Variants in ZNF536 observed in about 807,000 individuals in gnomAD.
The protein encoded by ZNF536 is zinc finger protein 536.
A neutral mutation model predicts 84.5 loss-of-function variants in ZNF536; 13 were observed. The observed-to-expected ratio is 0.15, with a 90% confidence interval of 0.10 to 0.24. ZNF536 has a LOEUF of 0.24. Ranked by LOEUF, ZNF536 falls within the 10% of genes least tolerant of loss-of-function variation. The pLI, the probability that ZNF536 is intolerant of heterozygous loss-of-function variation, is 1.00. For missense variants in ZNF536, 1,536 were observed against 1,747.5 expected, an observed-to-expected ratio of 0.88 and a Z score of 2.16; for synonymous variants, 811 against 742.5, an observed-to-expected ratio of 1.09 and a Z score of -1.50.
upstream of ZNF536, among the ~76,000 whole-genome samples, chr19:30,226,621 GC>G (rs2022629024): frequency 6.6e-6 from 1 of 152,122 alleles, no homozygotes; most frequent in Non-Finnish European, 1.5e-5. The surrounding 1 kb of genome is among the most constrained non-coding windows in gnomAD (Gnocchi z 4.6). Context: ...GGCGCCCGCA[GC>G]ACCTGCCCCA....
chr19:30,586,612 A>G (rs1214240904), intron 1 of ZNF536, among the ~76,000 whole-genome samples: 2 of 152,220 alleles, frequency 1.3e-5, no homozygotes, highest in African/African-American at 2.4e-5. Flanking sequence ...TCTCCTGGCC[A>G]GCCAACTTCT....
intron 1 of ZNF536, among the ~76,000 whole-genome samples, chr19:30,234,265 C>T (rs2023296492): frequency 1.3e-5 from 2 of 152,120 alleles, no homozygotes; most frequent in African/African-American, 4.8e-5. Flanking sequence ...TCTTTGATTA[C>T]CTAGGTGGGC....
chr19:30,591,602 T>C lies in ZNF536; in HGVS notation c.169+42088T>C, dbSNP rs554045710. Among the ~76,000 whole-genome samples, 19 of 152,278 alleles carry C rather than the reference T, an allele frequency of 1.2e-4. 1 individual carries two copies. The South Asian group carries it at 3.9e-3, about 32-fold the overall frequency. ...ATGAGGGGATTATTACAATTCAAGG[T>C]GAGATTTGGGTGGGGACACAGCCAA... is the stretch of plus-strand genomic sequence containing the variant. On this transcript the variant is annotated intron_variant, in intron 1 of 1. Transcript: ENST00000592773.
intron 1 of ZNF536, among the ~76,000 whole-genome samples, chr19:30,582,876 C>G (rs1201336706): frequency 6.6e-6 from 1 of 152,158 alleles, no homozygotes; most frequent in African/African-American, 2.4e-5. Flanking sequence ...CTGGGTCCCT[C>G]CCACAACACG....
chr19:30,267,114 T>C (rs901831384), intron 1 of ZNF536, among the ~76,000 whole-genome samples: 2 of 152,204 alleles, frequency 1.3e-5, no homozygotes, highest in African/African-American at 4.8e-5. Flanking sequence ...ATGAATTACA[T>C]TGGACTATCG....
chr19:30,682,007 A>G (rs1179138570), intron 1 of ZNF536, among the ~76,000 whole-genome samples: 2 of 152,276 alleles, frequency 1.3e-5, no homozygotes, highest in East Asian at 3.9e-4. Context: ...TGGGAAGGAA[A>G]AAAGGGAGGG....
chr19:30,357,682 G>C (rs557701332), intron 3 of ZNF536, among the ~76,000 whole-genome samples: 2 of 152,256 alleles, frequency 1.3e-5, no homozygotes, highest in South Asian at 4.1e-4. Flanking sequence ...TCTTGAAGCA[G>C]CAGGGCCCGG....
intron 1 of ZNF536, among the ~76,000 whole-genome samples, chr19:30,375,544 C>T (rs1437237345): frequency 1.3e-5 from 2 of 152,198 alleles, no homozygotes; most frequent in Non-Finnish European, 2.9e-5. Context: ...ACCCCCTCCA[C>T]TCGCACAGTG....
intron 2 of ZNF536, among the ~76,000 whole-genome samples, chr19:30,533,956 G>T (rs905296544): frequency 6.6e-6 from 1 of 152,194 alleles, no homozygotes; most frequent in African/African-American, 2.4e-5. Context: ...GGCCTCGGGG[G>T]CTGCAATAAC....
intron 1 of ZNF536, among the ~76,000 whole-genome samples, chr19:30,243,008 G>C (rs921563063): frequency 1.3e-5 from 2 of 151,986 alleles, no homozygotes; most frequent in Admixed American, 1.3e-4. Context: ...TCGTAACTTA[G>C]ATGCAAAATA....
intron 1 of ZNF536, among the ~76,000 whole-genome samples, chr19:30,387,343 C>T (rs1033678788): frequency 5.9e-5 from 9 of 152,182 alleles, no homozygotes; most frequent in African/African-American, 1.9e-4. Flanking sequence ...CGTGGGGACC[C>T]GAGACTTCTG....
chr19:30,266,280 G>T (rs2025509922), intron 1 of ZNF536, among the ~76,000 whole-genome samples: 1 of 152,246 alleles, frequency 6.6e-6, no homozygotes, highest in South Asian at 2.1e-4. Context: ...AAACTCCTGG[G>T]CTCCAGTGAT....
intron 3 of ZNF536, among the ~76,000 whole-genome samples, chr19:30,360,566 T>A (rs961268282): frequency 6.6e-6 from 1 of 152,126 alleles, no homozygotes; most frequent in African/African-American, 2.4e-5. Flanking sequence ...CAGGAAATAA[T>A]GAAACACGAT....
intron 1 of ZNF536, among the ~76,000 whole-genome samples, chr19:30,273,733 C>T (rs1238219119): frequency 6.6e-6 from 1 of 152,216 alleles, no homozygotes; most frequent in African/African-American, 2.4e-5. Flanking sequence ...CTTGTGGAAA[C>T]TAAGCTACTT....
At chr19:30,463,464 T>A (rs1600847279) in intron 2 of ZNF536, among the ~76,000 whole-genome samples, 1 of 152,062 alleles carries the variant, frequency 6.6e-6, no homozygotes, top group African/African-American at 2.4e-5. Flanking sequence ...GGCTCTGGGG[T>A]CCCCATTCAG....
chr19:30,543,615 C>G (rs1218092824), intron 3 of ZNF536, among the ~76,000 whole-genome samples: 1 of 152,218 alleles, frequency 6.6e-6, no homozygotes, highest in Non-Finnish European at 1.5e-5. Context: ...GATGCAGAGG[C>G]CTTGGCTGGG....
intron 1 of ZNF536, among the ~76,000 whole-genome samples, chr19:30,246,135 AC>A (rs2024260123): frequency 6.6e-6 from 1 of 152,120 alleles, no homozygotes; most frequent in Non-Finnish European, 1.5e-5. Context: ...CTTCAACGAG[AC>A]ACTCGAATCA....
intron 1 of ZNF536, among the ~76,000 whole-genome samples, chr19:30,664,821 T>C (rs2050257546): frequency 6.6e-6 from 1 of 152,198 alleles, no homozygotes; most frequent in Non-Finnish European, 1.5e-5. Flanking sequence ...GCATGTACTC[T>C]GGACCCTTCC....
chr19:30,696,016 G>A (rs1377387245), intron 1 of ZNF536, among the ~76,000 whole-genome samples: 1 of 152,162 alleles, frequency 6.6e-6, no homozygotes, highest in Non-Finnish European at 1.5e-5. Flanking sequence ...ATCTCTGAGT[G>A]TCACCCTAAT....
Sources: allele counts gnomAD v4.1 joint callset (sites outside exome capture counted in the v4.1 genomes callset), GRCh38; gene constraint gnomAD v4.1.1; non-coding constraint Gnocchi (gnomAD v3.1); transcripts MANE v1.5; gene names NCBI Gene and HGNC (gene_info 2026-07-23, HGNC 2026-07-21).